The following RABEP2 variants were observed in gnomAD, a reference collection of about 807,000 sequenced individuals.
The protein encoded by RABEP2 is rab GTPase-binding effector protein 2.
Under a neutral mutation model 74.1 loss-of-function variants are expected in RABEP2, and 57 were observed. The ratio of observed to expected loss-of-function variants is 0.77; its 90% CI spans 0.62 to 0.96. The LOEUF is 0.96. RABEP2 is among the 40% of genes least tolerant of loss of function. The probability of loss-of-function intolerance (pLI) is 0.00; values close to 1 mark genes in which losing one functional copy is unlikely to be tolerated. For missense variants in RABEP2, 692 were observed against 756.3 expected, an observed-to-expected ratio of 0.91 and a Z score of 1.00; for synonymous variants, 351 against 344.0, an observed-to-expected ratio of 1.02 and a Z score of -0.23.
At chr16:28,920,633 G>A (rs980792741) in intron 2 of RABEP2, among the ~76,000 whole-genome samples, 1 of 151,998 alleles carries the variant, frequency 6.6e-6, no homozygotes, top group Non-Finnish European at 1.5e-5. Context: ...CGATCCGCCC[G>A]CCTTGGCCTC....
rs141016960 is a variant in RABEP2, at chr16:28,912,589, T to C, written c.895-1410A>G. 2.4e-3 allele frequency among the ~76,000 whole-genome samples: 365 copies of C among 151,964 alleles called. 4 individuals are homozygous for C. Among genetic ancestry groups the C allele is most frequent in the South Asian group, 0.016 (79 of 4,808 alleles). ...ACTGTGCCCAGCTACTTTTTTGTGT[T>C]TTTTTGTAGGACAGGGTTTCATCAT... On this transcript the variant is annotated intron_variant, in intron 5 of 12. Transcript: ENST00000358201.
In RABEP2 at chr16:28,908,609, T is replaced by C; in HGVS notation, c.1245A>G (p.Pro415=). 1.2e-6 allele frequency: 2 copies of C among 1,608,170 alleles called. No homozygotes were observed. Among genetic ancestry groups the C allele is most frequent in the Non-Finnish European group, 1.7e-6 (2 of 1,177,128 alleles). ...CTCTCAGTGCCCACACTCAGCTTAC[T>C]GGCACAGAGCTGGGCAGTGATTCCT... The part of the protein sequence containing the change: ...GEEESLPSSV[P]ELQQLLCCTR... The change falls in exon 8 of 13, where the codon CCA becomes CCG. Residue 415 remains proline (P), a splice_region_variant and synonymous_variant. Coordinates refer to ENST00000358201, the MANE Select transcript of RABEP2 (RefSeq NM_024816.3).
intron 5 of RABEP2, among the ~76,000 whole-genome samples, chr16:28,913,589 C>G (rs889726964): frequency 2.6e-5 from 4 of 151,870 alleles, no homozygotes; most frequent in Non-Finnish European, 5.9e-5. Flanking sequence ...TCAAGCGATT[C>G]TCCTCCCTCA....
chr16:28,910,960 C>G lies in RABEP2; in HGVS notation c.1017G>C (p.Gln339His). ...KQMQVLLAQVQNSEQLLRTLQ... is the reference protein window; with the variant it reads ...KQMQVLLAQVHNSEQLLRTLQ... ...GGGTCCGCAGCAGCTGCTCTGAGTT[C>G]TGGACCTGGGCCAGGAGCACCTGCA... Residue 339 changes from glutamine (Q) to histidine (H), a missense_variant, in exon 7 of 13, where the codon CAG (glutamine) becomes CAC (histidine). By Grantham distance (24) the Gln-to-His change is conservative (BLOSUM62 0). Transcript: ENST00000358201. The G allele has an allele frequency of 6.2e-7, 1 of 1,612,720 alleles. No individual in the cohort carries two copies. The highest frequency in any genetic ancestry group is 8.5e-7 in the Non-Finnish European group (1 of 1,179,240).
intron 3 of RABEP2, among the ~76,000 whole-genome samples, chr16:28,915,833 G>C (rs1450870997): frequency 1.3e-5 from 2 of 151,418 alleles, no homozygotes; most frequent in Non-Finnish European, 2.9e-5. Context: ...ACCGTGCCTG[G>C]CCCAGGACAA....
At chr16:28,924,332 C>T in intron 2 of RABEP2, 71 bp downstream of exon 2, 2 of 1,455,856 alleles carry the variant, frequency 1.4e-6, no homozygotes, top group Admixed American at 1.7e-5. Context: ...ATCTGTGCCC[C>T]CAATCCCTTT....
At chr16:28,920,799 G>A (rs983954024) in intron 2 of RABEP2, among the ~76,000 whole-genome samples, 4 of 151,872 alleles carry the variant, frequency 2.6e-5, no homozygotes, top group African/African-American at 7.3e-5. Context: ...CCATTAACTC[G>A]TCATTTACAT....
In RABEP2 at chr16:28,917,210, T is replaced by C. The variant is rs1964407296; in HGVS notation, c.433-2428A>G. ...CGCTTATATGTCCCACAGGCTCCTCTAACCGTAGATACCCAAAACAAACCA... is the reference window on the plus strand; with the variant it reads ...CGCTTATATGTCCCACAGGCTCCTCCAACCGTAGATACCCAAAACAAACCA... On this transcript the variant is annotated intron_variant, in intron 3 of 12. Coordinates refer to ENST00000358201, the MANE Select transcript of RABEP2 (RefSeq NM_024816.3). Among the ~76,000 whole-genome samples the C allele has an allele frequency of 2.0e-5, 3 of 152,086 alleles. No individual in the cohort carries two copies. The South Asian group carries it at 6.2e-4, about 32-fold the overall frequency.
intron 5 of RABEP2, among the ~76,000 whole-genome samples, chr16:28,912,905 C>T (rs1473588502): frequency 6.6e-6 from 1 of 152,146 alleles, no homozygotes; most frequent in Non-Finnish European, 1.5e-5. Context: ...ACACTGTGGT[C>T]TCTCCATCCT....
chr16:28,913,597 T>A (rs897924068), intron 5 of RABEP2, among the ~76,000 whole-genome samples: 9 of 151,970 alleles, frequency 5.9e-5, no homozygotes, highest in Non-Finnish European at 1.0e-4. Flanking sequence ...TTCTCCTCCC[T>A]CAGCCTCCTG....
At chr16:28,920,457 C>T (rs1964456440) in intron 2 of RABEP2, among the ~76,000 whole-genome samples, 1 of 151,498 alleles carries the variant, frequency 6.6e-6, no homozygotes, top group Admixed American at 6.6e-5. Flanking sequence ...GCAATCTTGG[C>T]TCACTGCAAC....
intron 3 of RABEP2, among the ~76,000 whole-genome samples, chr16:28,915,943 G>A (rs992224505): frequency 2.0e-5 from 3 of 151,626 alleles, no homozygotes; most frequent in Non-Finnish European, 2.9e-5. Context: ...AGGTTCAAGC[G>A]ATTCTCCTGC....
Position 28,905,721 on chromosome 16 carries a change from G to GC in RABEP2, c.1473dup (p.Gln492AlafsTer31). ...CCCCTCACCTTGCTCTGTTCCTGCT[G>GC]CACCCGCTCCATCTCTGTCCTCAGG... On this transcript the variant is annotated frameshift_variant, in exon 11 of 13. Transcript: ENST00000358201. LOFTEE classifies it high-confidence loss of function. 6.2e-7 allele frequency: 1 copy of GC among 1,613,904 alleles called. No individual in the cohort carries two copies.
chr16:28,919,730 A>C, intron 3 of RABEP2, 56 bp downstream of exon 3: 2 of 1,545,808 alleles, frequency 1.3e-6, no homozygotes, highest in South Asian at 1.2e-5. Flanking sequence ...GGACATCCAC[A>C]GTCCTCAACA....
At chr16:28,912,297 G>A (rs1244241735) in intron 5 of RABEP2, among the ~76,000 whole-genome samples, 4 of 150,980 alleles carry the variant, frequency 2.6e-5, no homozygotes, top group African/African-American at 4.9e-5. Context: ...CTGTCTCTGC[G>A]GCCATCCCCT....
intron 7 of RABEP2, 149 bp downstream of exon 7, chr16:28,910,739 C>G: frequency 3.0e-6 from 2 of 675,376 alleles, no homozygotes; most frequent in East Asian, 2.8e-5. Context: ...CCAAAACCCT[C>G]TTACCTACCT....
chr16:28,919,983 A>G, intron 2 of RABEP2, 40 bp from the exon 3 acceptor site: 4 of 1,539,058 alleles, frequency 2.6e-6, no homozygotes, highest in South Asian at 1.2e-5. Context: ...GGGAGGGTCA[A>G]TGAGCCAGCC....
At chr16:28,920,774 G>A (rs1964459980) in intron 2 of RABEP2, among the ~76,000 whole-genome samples, 1 of 152,064 alleles carries the variant, frequency 6.6e-6, no homozygotes, top group African/African-American at 2.4e-5. Context: ...CATGTGCCAT[G>A]TTGGTGAGCT....
In RABEP2 at chr16:28,908,718, C is replaced by A. The variant is rs200767481; in HGVS notation, c.1136G>T (p.Arg379Leu). The part of the protein sequence containing the change: ...THKCLHHEVK[R>L]LNEENQGLRA... ...GAGCCCTTGGTTTTCCTCATTCAAC[C>A]GCTTTACCTCATGGTGCAGGCACTT... Residue 379 changes from arginine (R) to leucine (L), a missense_variant, in exon 8 of 13, where the codon CGG becomes CTG. Transcript: ENST00000358201. 6.2e-7 allele frequency: 1 copy of A among 1,614,212 alleles called. No individual in the cohort carries two copies. The highest frequency in any genetic ancestry group is 1.7e-5 in the Admixed American group (1 of 60,024).
Sources: allele counts gnomAD v4.1 joint callset (sites outside exome capture counted in the v4.1 genomes callset), GRCh38; gene constraint gnomAD v4.1.1; transcripts MANE v1.5; gene names NCBI Gene and HGNC (gene_info 2026-07-23, HGNC 2026-07-21).